TEX11: variants seen among roughly 807,000 people sequenced by gnomAD.
TEX11 encodes testis-expressed protein 11.
TEX11 carries 7 observed loss-of-function variants against 84.4 expected under a neutral mutation model. The ratio of observed to expected loss-of-function variants is 0.08; its 90% CI spans 0.05 to 0.16. The LOEUF (loss-of-function observed/expected upper bound fraction) is 0.16. Ranked by LOEUF, TEX11 falls within the 10% of genes least tolerant of loss-of-function variation. TEX11 has a pLI of 1.00. For missense variants in TEX11, 551 were observed against 660.5 expected, an observed-to-expected ratio of 0.83 and a Z score of 1.82; for synonymous variants, 264 against 222.8, an observed-to-expected ratio of 1.18 and a Z score of -1.64.
intron 11 of TEX11, among the ~76,000 whole-genome samples, chrX:70,732,619 G>GTCCTT (rs2090662654): frequency 9.0e-6 from 1 of 111,459 alleles, no homozygotes; most frequent in Admixed American, 9.6e-5. Flanking sequence ...TCTTCAAGAA[G>GTCCTT]AAGTACAAAC....
intron 16 of TEX11, among the ~76,000 whole-genome samples, chrX:70,655,347 C>T (rs1445956508): frequency 9.0e-6 from 1 of 111,296 alleles, no homozygotes; most frequent in Non-Finnish European, 1.9e-5. Flanking sequence ...GTAACCACAT[C>T]GTAAGTCTGG....
intron 9 of TEX11, among the ~76,000 whole-genome samples, chrX:70,790,849 G>A (rs1013196154): frequency 1.8e-5 from 2 of 112,312 alleles, no homozygotes; most frequent in Non-Finnish European, 3.8e-5. Context: ...CAAAGCTGCA[G>A]GCCCAGTCCC....
chrX:70,671,390 T>G (rs1704470992), intron 15 of TEX11, among the ~76,000 whole-genome samples: 1 of 111,405 alleles, frequency 9.0e-6, no homozygotes, highest in Non-Finnish European at 1.9e-5. Context: ...GAAACAATTA[T>G]GCTAAATAGG....
At chrX:70,559,673 C>T (rs1173975714) in intron 25 of TEX11, among the ~76,000 whole-genome samples, 11 of 112,308 alleles carry the variant, frequency 9.8e-5, no homozygotes, top group Non-Finnish European at 1.9e-5. Flanking sequence ...TTTTTGTATG[C>T]TATCAGACGT....
chrX:70,683,467 C>A (rs1285457148), intron 13 of TEX11, among the ~76,000 whole-genome samples: 1 of 111,160 alleles, frequency 9.0e-6, no homozygotes, highest in South Asian at 3.8e-4. Flanking sequence ...CCTGTCTCTA[C>A]AAAAAATTGG....
At chrX:70,663,880 C>T (rs2089953371) in intron 16 of TEX11, among the ~76,000 whole-genome samples, 1 of 111,349 alleles carries the variant, frequency 9.0e-6, no homozygotes, top group Non-Finnish European at 1.9e-5. Flanking sequence ...AGGACACCCT[C>T]GGATATCACA....
chrX:70,668,487 A>G (rs2089995892), intron 16 of TEX11, among the ~76,000 whole-genome samples: 1 of 112,464 alleles, frequency 8.9e-6, no homozygotes, highest in African/African-American at 3.2e-5. Flanking sequence ...AATTCAAGAC[A>G]AGGATGAAAT....
chrX:70,562,052 C>T (rs777236779), intron 25 of TEX11, among the ~76,000 whole-genome samples: 4 of 112,075 alleles, frequency 3.6e-5, no homozygotes, highest in African/African-American at 1.3e-4. Context: ...GGGCCACACT[C>T]ATCCACATCT....
chrX:70,589,549 T>A (rs370664548), intron 25 of TEX11, among the ~76,000 whole-genome samples: 1 of 111,365 alleles, frequency 9.0e-6, no homozygotes, highest in East Asian at 2.8e-4. Context: ...TTGGAAACAG[T>A]GTCTTGCTGT....
At chrX:70,565,836 T>G (rs1300990885) in intron 25 of TEX11, among the ~76,000 whole-genome samples, 9 of 111,498 alleles carry the variant, frequency 8.1e-5, no homozygotes, top group Non-Finnish European at 1.5e-4. Flanking sequence ...GTCAGGTAGC[T>G]TGATGCCTCC....
chrX:70,604,274 A>T (rs1188768475), intron 24 of TEX11, among the ~76,000 whole-genome samples: 2 of 112,086 alleles, frequency 1.8e-5, no homozygotes, highest in Non-Finnish European at 3.8e-5. Context: ...AGATGTTATT[A>T]TTATTTTTTA....
At chrX:70,546,662 A>C (rs2088130058) in intron 28 of TEX11, among the ~76,000 whole-genome samples, 1 of 111,498 alleles carries the variant, frequency 9.0e-6, no homozygotes, top group Admixed American at 9.6e-5. Context: ...TCAAGGAAAT[A>C]TAAATCAAAA....
chrX:70,647,215 A>C (rs771003453), intron 17 of TEX11, among the ~76,000 whole-genome samples: 2 of 112,086 alleles, frequency 1.8e-5, no homozygotes, highest in Admixed American at 9.5e-5. Context: ...TGTTCATAGA[A>C]GCAAAGTAGA....
intron 25 of TEX11, among the ~76,000 whole-genome samples, chrX:70,574,942 G>C (rs775213980): frequency 9.0e-6 from 1 of 111,280 alleles, no homozygotes; most frequent in Non-Finnish European, 1.9e-5. Context: ...GAAGTACAAG[G>C]TGTTATCGAG....
At chrX:70,523,707 G>T in the TEX11 span, among the ~76,000 whole-genome samples, 1 of 108,188 alleles carries the variant, frequency 9.2e-6, no homozygotes, top group Admixed American at 1.0e-4. Flanking sequence ...CTCGTGATCT[G>T]CCCGCCTCGG....
At chrX:70,761,440 A>G (rs1246102612) in intron 9 of TEX11, among the ~76,000 whole-genome samples, 1 of 111,891 alleles carries the variant, frequency 8.9e-6, no homozygotes, top group African/African-American at 3.2e-5. Context: ...ATAAAAAAGG[A>G]TGAGTTCATG....
intron 8 of TEX11, among the ~76,000 whole-genome samples, chrX:70,830,524 A>G (rs1328882943): frequency 8.9e-6 from 1 of 112,259 alleles, no homozygotes; most frequent in African/African-American, 3.2e-5. Flanking sequence ...GTGAAGAGAC[A>G]ACCTACAGAA....
At chrX:70,891,279 C>A (rs1298474062) in intron 2 of TEX11, among the ~76,000 whole-genome samples, 1 of 111,702 alleles carries the variant, frequency 9.0e-6, no homozygotes, top group East Asian at 2.8e-4. Flanking sequence ...GGGGAGAAAC[C>A]AGAGCAGACA....
At chrX:70,542,264 G>C (rs1201085214) in intron 28 of TEX11, among the ~76,000 whole-genome samples, 1 of 111,286 alleles carries the variant, frequency 9.0e-6, no homozygotes, top group Non-Finnish European at 1.9e-5. Context: ...TCTGCCATGT[G>C]AGCTTACAGT....
Sources: gnomAD v4.1 joint callset for allele counts (sites outside exome capture counted in the v4.1 genomes callset) on GRCh38, gnomAD v4.1.1 for gene constraint, MANE v1.5 for transcripts, NCBI Gene and HGNC (gene_info 2026-07-23, HGNC 2026-07-21) for gene names.